Variants in ACSM3 observed in about 807,000 individuals in gnomAD.
ACSM3 encodes the protein acyl-coenzyme A synthetase ACSM3, mitochondrial.
A neutral mutation model predicts 74.1 loss-of-function variants in ACSM3; 61 were observed. The observed-to-expected ratio is 0.82, with a 90% confidence interval of 0.67 to 1.02. The LOEUF is 1.02. Ranked by LOEUF, ACSM3 falls within the 50% of genes least tolerant of loss-of-function variation. The pLI, the probability that ACSM3 is intolerant of heterozygous loss-of-function variation, is 0.00. For missense variants in ACSM3, 660 were observed against 697.0 expected (o/e 0.95, Z 0.60); for synonymous variants, 213 against 241.5 (o/e 0.88, Z 1.09).
upstream of ACSM3, among the ~76,000 whole-genome samples, chr16:20,761,993 T>C (rs2080080849): frequency 6.6e-6 from 1 of 152,074 alleles, no homozygotes; most frequent in African/African-American, 2.4e-5. Flanking sequence ...TCAAAGGAGA[T>C]ACAAAACCTC....
Position 20,740,855 on chromosome 16 carries a change from A to G in ACSM3, c.-189-9055A>G, listed in dbSNP as rs183529686. ...GCATTAGTAGTAAACCTATTATTTC[A>G]GAAATATTATTGCTTCAGGTAAACA... On this transcript the variant is annotated intron_variant, in intron 1 of 3. Coordinates refer to the ACSM3 transcript ENST00000561584. Among the ~76,000 whole-genome samples, 2 of 152,362 alleles carry G rather than the reference A, an allele frequency of 1.3e-5. 1 individual carries two copies. Among genetic ancestry groups the G allele is most frequent in the Non-Finnish European group, 2.9e-5 (2 of 68,026 alleles).
chr16:20,733,676 AAATTT>A (rs2079845131), intron 1 of ACSM3: 1 of 152,052 alleles, frequency 6.6e-6, no homozygotes, highest in African/African-American at 2.4e-5. Flanking sequence ...TTTAGGGAAC[AAATTT>A]ATTTTGATTT....
intron 1 of ACSM3, among the ~76,000 whole-genome samples, chr16:20,709,709 G>T (rs983685090): frequency 6.6e-6 from 1 of 152,078 alleles, no homozygotes; most frequent in African/African-American, 2.4e-5. Context: ...TCTCAAGAAG[G>T]GATGATATTT....
chr16:20,756,479 T>C (rs1431215168), intron 3 of ACSM3, among the ~76,000 whole-genome samples: 1 of 151,966 alleles, frequency 6.6e-6, no homozygotes, highest in Non-Finnish European at 1.5e-5. Flanking sequence ...TTTGATGGGG[T>C]TGTTTGTTTT....
intron 2 of ACSM3, among the ~76,000 whole-genome samples, chr16:20,772,715 T>G (rs1177384482): frequency 6.6e-6 from 1 of 152,234 alleles, no homozygotes; most frequent in Non-Finnish European, 1.5e-5. Context: ...TTCATTGGTC[T>G]ATGCATCTGT....
At chr16:20,791,017 G>T in intron 10 of ACSM3, 4 of 1,424,026 alleles carry the variant, frequency 2.8e-6, no homozygotes, top group Non-Finnish European at 3.9e-6. Flanking sequence ...TCCAGTTAGT[G>T]CTCTTTCTTT....
intron 1 of ACSM3, among the ~76,000 whole-genome samples, chr16:20,689,294 T>G (rs1299087363): frequency 6.6e-6 from 1 of 152,014 alleles, no homozygotes; most frequent in Non-Finnish European, 1.5e-5. Flanking sequence ...AAGGCAAATA[T>G]TTATTGAATA....
chr16:20,743,128 CG>C (rs1334580276), intron 1 of ACSM3, among the ~76,000 whole-genome samples: 1 of 151,786 alleles, frequency 6.6e-6, no homozygotes, highest in Non-Finnish European at 1.5e-5. Flanking sequence ...TTAGTAGAGA[CG>C]GGGTTTTACC....
chr16:20,716,444 T>G (rs1490275571), intron 1 of ACSM3, among the ~76,000 whole-genome samples: 3 of 152,026 alleles, frequency 2.0e-5, no homozygotes, highest in Non-Finnish European at 4.4e-5. Flanking sequence ...GGCATAAAAC[T>G]CCTCGTGGCT....
Position 20,777,383 on chromosome 16 carries a change from A to C in ACSM3, c.441A>C (p.Leu147Phe), listed in dbSNP as rs775951468. 1 of 1,613,766 alleles carries C rather than the reference A, an allele frequency of 6.2e-7. No homozygotes were observed. The highest frequency in any genetic ancestry group is 2.2e-5 in the East Asian group (1 of 44,864). Residue 147 changes from leucine to phenylalanine, a missense_variant, in exon 4 of 14, where the codon TTA becomes TTC. By Grantham distance (22) the Leu-to-Phe change is conservative. Transcript: ENST00000289416. ...TTTCTGCCCCTTTAGGGACAGTTTT[A>C]ATTCCAGGAACCACTCAGCTGACCC... Reference protein sequence around the residue: ...NVACLRTGTVLIPGTTQLTQK... With the variant: ...NVACLRTGTVFIPGTTQLTQK...
intron 1 of ACSM3, chr16:20,734,066 C>G (rs754383045): frequency 5.9e-5 from 9 of 152,146 alleles, no homozygotes; most frequent in Admixed American, 2.0e-4. Flanking sequence ...GATTTTGTAA[C>G]TGGGAAAGAA....
Position 20,745,489 on chromosome 16 carries a change from C to T in ACSM3, c.-189-4421C>T, listed in dbSNP as rs987146798. ...TCCCAGCTATTTGGGAGGCTAGACA[C>T]GAGAGTTGCTTGAACCTGGGAGGCA... On this transcript the variant is annotated intron_variant, in intron 1 of 3. Coordinates refer to the ACSM3 transcript ENST00000561584. Among the ~76,000 whole-genome samples the T allele has an allele frequency of 3.9e-5, 6 of 152,056 alleles. No homozygotes were observed. In the East Asian group the frequency reaches 5.8e-4, roughly 15 times the overall value.
At chr16:20,735,623 T>C (rs531715922) in intron 1 of ACSM3, 93 of 151,958 alleles carry the variant, frequency 6.1e-4, no homozygotes, top group African/African-American at 2.1e-3. Context: ...TTATCAGATA[T>C]GATGTCACAA....
At chr16:20,796,726 C>T in intron 13 of ACSM3, 160 bp from the exon 14 acceptor site, 1 of 1,491,988 alleles carries the variant, frequency 6.7e-7, no homozygotes, top group Non-Finnish European at 8.9e-7. Context: ...AGACAACTTT[C>T]CTAACAATAC....
intron 1 of ACSM3, among the ~76,000 whole-genome samples, chr16:20,702,523 A>G (rs989422976): frequency 5.3e-5 from 8 of 152,204 alleles, no homozygotes; most frequent in African/African-American, 1.9e-4. Flanking sequence ...GTGAGATGGT[A>G]TCTCATTGTG....
At chr16:20,678,759 C>T (rs796449463) in intron 1 of ACSM3, among the ~76,000 whole-genome samples, 8 of 152,306 alleles carry the variant, frequency 5.3e-5, no homozygotes, top group South Asian at 2.1e-4. Context: ...TCAGGTAAAG[C>T]GAAGAGCATG....
chr16:20,691,091 G>A (rs1276383363), intron 1 of ACSM3: 2 of 1,613,526 alleles, frequency 1.2e-6, no homozygotes, highest in Non-Finnish European at 1.7e-6. Context: ...TCCAAATTCT[G>A]ATAAAGACCG....
At chr16:20,681,583 T>C (rs895887258) in intron 1 of ACSM3, 2 of 152,208 alleles carry the variant, frequency 1.3e-5, no homozygotes, top group African/African-American at 2.4e-5. Context: ...CAGTAATAAC[T>C]CAACACACTA....
chr16:20,683,538 C>T (rs1331851777), intron 1 of ACSM3, among the ~76,000 whole-genome samples: 1 of 152,068 alleles, frequency 6.6e-6, no homozygotes, highest in Admixed American at 6.6e-5. Flanking sequence ...CTCCCCTACA[C>T]CTTATTTTCT....
Sources: allele counts gnomAD v4.1 joint callset (sites outside exome capture counted in the v4.1 genomes callset), GRCh38; gene constraint gnomAD v4.1.1; transcripts MANE v1.5; gene names NCBI Gene and HGNC (gene_info 2026-07-23, HGNC 2026-07-21).